PAN3: variants seen among roughly 807,000 people sequenced by gnomAD.
PAN3 encodes PAN2-PAN3 deadenylation complex subunit PAN3.
A neutral mutation model predicts 96.2 loss-of-function variants in PAN3; 19 were observed. That is an observed-to-expected ratio of 0.20 (90% confidence interval 0.14 to 0.29). PAN3 has a LOEUF of 0.29. Among genes scored for constraint, PAN3 ranks in the 10% least tolerant of loss-of-function variants. The pLI is 1.00. For missense variants in PAN3, 882 were observed against 1,108.1 expected (o/e 0.80, Z 2.90); for synonymous variants, 433 against 406.6 (o/e 1.06, Z -0.78).
In PAN3 at chr13:28,145,008, G is replaced by A. The variant is rs117385272; in HGVS notation, c.430+5921G>A. 5.1e-4 allele frequency among the ~76,000 whole-genome samples: 78 copies of A among 152,200 alleles called. No homozygotes were observed. The East Asian group carries it at 0.015, about 28-fold the overall frequency. On this transcript the variant is annotated intron_variant, in intron 1 of 18. Coordinates refer to ENST00000380958, the MANE Select transcript of PAN3 (RefSeq NM_175854.8). ...GCTGGGACTACAGGCGTGAGCCACC[G>A]CGCCTGGCCCAATATCATCCTTTTA...
At chr13:28,154,860 A>T (rs1409621664) in intron 1 of PAN3, among the ~76,000 whole-genome samples, 1 of 139,772 alleles carries the variant, frequency 7.2e-6, no homozygotes, top group Non-Finnish European at 1.5e-5. Flanking sequence ...TCGCTCTGTC[A>T]TCCAGGCTGT....
chr13:28,223,664 C>T (rs1170682063), intron 6 of PAN3, among the ~76,000 whole-genome samples: 8 of 151,470 alleles, frequency 5.3e-5, no homozygotes, highest in African/African-American at 1.2e-4. Flanking sequence ...CCTGGAGAAC[C>T]ACTGATTTAA....
chr13:28,146,086 C>T (rs914803460), intron 1 of PAN3, among the ~76,000 whole-genome samples: 1 of 151,922 alleles, frequency 6.6e-6, no homozygotes, highest in African/African-American at 2.4e-5. Context: ...ATGAAAGGTA[C>T]ACTTTTTTGG....
intron 6 of PAN3, chr13:28,239,924 A>G (rs989872116): frequency 2.1e-5 from 5 of 239,552 alleles, no homozygotes; most frequent in African/African-American, 6.9e-5. Context: ...AGGTCAGCAT[A>G]GAAGCTTTGC....
At chr13:28,216,432 T>C (rs1880780706) in intron 5 of PAN3, among the ~76,000 whole-genome samples, 1 of 152,168 alleles carries the variant, frequency 6.6e-6, no homozygotes, top group South Asian at 2.1e-4. Flanking sequence ...TTCCAGGTTG[T>C]ATATCTGTGT....
At chr13:28,215,842 C>G in intron 5 of PAN3, 1 of 1,400,118 alleles carries the variant, frequency 7.1e-7, no homozygotes, top group Non-Finnish European at 1.0e-6. Flanking sequence ...GACAAGAAGG[C>G]TGCTGGAGCT....
chr13:28,188,501 T>A (rs1259105045), intron 4 of PAN3, among the ~76,000 whole-genome samples: 1 of 152,008 alleles, frequency 6.6e-6, no homozygotes, highest in Non-Finnish European at 1.5e-5. Flanking sequence ...TGTGGGAGAC[T>A]GAGGTGGGAG....
intron 6 of PAN3, chr13:28,239,564 G>T: frequency 1.6e-6 from 2 of 1,262,884 alleles, no homozygotes; most frequent in Non-Finnish European, 2.1e-6. Flanking sequence ...GATTTTTGTT[G>T]GTTGTTTTCT....
chr13:28,139,140 C>G, intron 1 of PAN3, 53 bp downstream of exon 1: 1 of 1,258,988 alleles, frequency 7.9e-7, no homozygotes, highest in Non-Finnish European at 1.0e-6. Flanking sequence ...AGGCCTGGGC[C>G]GGATGAGGCC....
intron 1 of PAN3, among the ~76,000 whole-genome samples, chr13:28,140,620 G>A (rs1869620124): frequency 6.6e-6 from 1 of 152,150 alleles, no homozygotes; most frequent in African/African-American, 2.4e-5. Context: ...GGGCTCAAGC[G>A]ATCTTCCTGC....
chr13:28,144,213 T>G (rs1165159193), intron 1 of PAN3, among the ~76,000 whole-genome samples: 3 of 103,648 alleles, frequency 2.9e-5, no homozygotes, highest in African/African-American at 1.7e-4. Flanking sequence ...GTTTTTTTGT[T>G]TTTTTTTTTT....
chr13:28,276,819 T>C (rs922147687), intron 14 of PAN3, among the ~76,000 whole-genome samples: 2 of 152,204 alleles, frequency 1.3e-5, no homozygotes, highest in Admixed American at 1.3e-4. Context: ...TAAGTTATAG[T>C]GGTCATAGCA....
chr13:28,194,087 G>T (rs1196648388), intron 4 of PAN3, among the ~76,000 whole-genome samples: 1 of 151,696 alleles, frequency 6.6e-6, no homozygotes, highest in East Asian at 1.9e-4. Context: ...AACTAGGGAG[G>T]CGGAGGTTGC....
At chr13:28,275,902 C>T (rs1269010557) in intron 14 of PAN3, among the ~76,000 whole-genome samples, 1 of 152,152 alleles carries the variant, frequency 6.6e-6, no homozygotes, top group Non-Finnish European at 1.5e-5. Context: ...GTGTCAGATT[C>T]ACAAATGCTA....
At chr13:28,168,424 A>C (rs1450062042) in intron 1 of PAN3, among the ~76,000 whole-genome samples, 1 of 152,216 alleles carries the variant, frequency 6.6e-6, no homozygotes, top group African/African-American at 2.4e-5. Flanking sequence ...CTTTTATGGA[A>C]AAGGGAATTG....
intron 7 of PAN3, among the ~76,000 whole-genome samples, chr13:28,258,108 A>G (rs1480257856): frequency 6.6e-6 from 1 of 152,100 alleles, no homozygotes; most frequent in Non-Finnish European, 1.5e-5. Flanking sequence ...GTGAGCCACC[A>G]TGCCCAGCCT....
chr13:28,170,735 T>C (rs1478637181), intron 1 of PAN3, among the ~76,000 whole-genome samples: 1 of 152,146 alleles, frequency 6.6e-6, no homozygotes, highest in Non-Finnish European at 1.5e-5. Flanking sequence ...TCATCATCAT[T>C]ACTGTGAAAA....
At chr13:28,231,317 A>G (rs749696835) in intron 6 of PAN3, among the ~76,000 whole-genome samples, 3 of 152,232 alleles carry the variant, frequency 2.0e-5, no homozygotes, top group Non-Finnish European at 2.9e-5. Context: ...AGGGAAGATT[A>G]CTATGTGTAG....
At chr13:28,264,721 A>G (rs1454388993) in intron 9 of PAN3, among the ~76,000 whole-genome samples, 1 of 152,142 alleles carries the variant, frequency 6.6e-6, no homozygotes, top group Admixed American at 6.5e-5. Flanking sequence ...TTAGCTCTCA[A>G]AGTATGATTC....
Sources: allele counts gnomAD v4.1 joint callset (sites outside exome capture counted in the v4.1 genomes callset), GRCh38; gene constraint gnomAD v4.1.1; transcripts MANE v1.5; gene names NCBI Gene and HGNC (gene_info 2026-07-23, HGNC 2026-07-21).